FRMD3: variants seen among roughly 807,000 people sequenced by gnomAD.
The protein encoded by FRMD3 is FERM domain-containing protein 3.
In FRMD3, 33 loss-of-function variants were observed where a neutral mutation model predicts 70.2. The observed-to-expected ratio is 0.47, with a 90% CI of 0.36 to 0.63. The LOEUF (loss-of-function observed/expected upper bound fraction) is 0.63, where lower values mean the gene tolerates loss of function less well. Among genes scored for constraint, FRMD3 ranks in the 20% least tolerant of loss-of-function variants. The pLI, the probability that FRMD3 is intolerant of heterozygous loss-of-function variation, is 0.00. For synonymous variants in FRMD3, 279 were observed against 255.9 expected (o/e 1.09, Z -0.86); for missense variants, 632 against 711.4 (o/e 0.89, Z 1.27).
chr9:83,355,429 G>A (rs1824304188), intron 3 of FRMD3, among the ~76,000 whole-genome samples: 2 of 152,198 alleles, frequency 1.3e-5, no homozygotes, highest in African/African-American at 4.8e-5. Context: ...GTCTAATGTG[G>A]TGCTCAGGCT....
At chr9:83,252,626 C>T (rs1832483211) in intron 13 of FRMD3, among the ~76,000 whole-genome samples, 2 of 152,112 alleles carry the variant, frequency 1.3e-5, no homozygotes, top group Admixed American at 1.3e-4. Context: ...AGAGACCCAT[C>T]TCACGTGCAA....
chr9:83,438,917 G>T (rs150728425), intron 1 of FRMD3, among the ~76,000 whole-genome samples: 1 of 152,294 alleles, frequency 6.6e-6, no homozygotes, highest in South Asian at 2.1e-4. Context: ...AATGGCTGCC[G>T]TAGGTCTCTC....
chr9:83,312,057 T>C (rs1835382871), intron 7 of FRMD3, 82 bp from the exon 8 acceptor site: 2 of 1,042,436 alleles, frequency 1.9e-6, no homozygotes, highest in South Asian at 3.0e-5. Context: ...TATTTATTCA[T>C]CCTCACCCTA....
Position 83,334,777 on chromosome 9 carries a change from G to A in FRMD3, c.596+739C>T, listed in dbSNP as rs1587737347. On this transcript the variant is annotated intron_variant, in intron 6 of 13. Transcript: ENST00000304195. ...GTGTAACCATCACACAGGGCATAAA[G>A]GCACAGACTCTAGACCAAGACTGCC... is the stretch of plus-strand genomic sequence containing the variant. Among the ~76,000 whole-genome samples, 6 of 152,232 alleles carry A rather than the reference G, an allele frequency of 3.9e-5. No homozygotes were observed. The East Asian group carries it at 1.2e-3, about 29-fold the overall frequency.
At chr9:83,327,692 G>A (rs1027738834) in intron 6 of FRMD3, among the ~76,000 whole-genome samples, 4 of 152,104 alleles carry the variant, frequency 2.6e-5, no homozygotes, top group Non-Finnish European at 4.4e-5. Context: ...GCAGCTATGC[G>A]TTTCCACTCT....
At chr9:83,323,403 G>A (rs192406746) in intron 6 of FRMD3, among the ~76,000 whole-genome samples, 1 of 152,322 alleles carries the variant, frequency 6.6e-6, no homozygotes, top group Non-Finnish European at 1.5e-5. Flanking sequence ...GAAGCCAAAT[G>A]CTACAGTTCA....
chr9:83,485,976 C>A (rs1828680823), intron 1 of FRMD3, among the ~76,000 whole-genome samples: 1 of 151,866 alleles, frequency 6.6e-6, no homozygotes, highest in Admixed American at 6.6e-5. Context: ...TGTTGTATAT[C>A]ATACATCATA....
Position 83,537,948 on chromosome 9 carries a change from A to T in FRMD3, c.147+137T>A, listed in dbSNP as rs926717787. On this transcript the variant is annotated intron_variant, in intron 1 of 13. Transcript: ENST00000304195. This position sits in a 1 kb window ranked among gnomAD's most constrained non-coding sequence, Gnocchi z 4.1. ...AAGGCCCCCCACCCTCAGAGGCCTG[A>T]GGAATCGAAATCTGGCTTTCTAGCA... 1 of 963,742 alleles carries T rather than the reference A, an allele frequency of 1.0e-6. No homozygotes were observed. Among genetic ancestry groups the T allele is most frequent in the African/African-American group, 1.6e-5 (1 of 61,284 alleles). The allele number at this position is 963,742 out of a possible 1,614,324, so 59.7% of individuals were successfully genotyped here. A position where few individuals can be genotyped will look rare whatever the true frequency, so the allele number is the denominator to read the frequency against.
At chr9:83,340,982 G>C (rs1358295716) in intron 5 of FRMD3, among the ~76,000 whole-genome samples, 3 of 152,156 alleles carry the variant, frequency 2.0e-5, no homozygotes, top group Non-Finnish European at 2.9e-5. Flanking sequence ...ACGATGAGGG[G>C]CGACAGTGCC....
upstream of FRMD3, among the ~76,000 whole-genome samples, chr9:83,538,851 G>A (rs1425640429): frequency 6.6e-6 from 1 of 152,238 alleles, no homozygotes; most frequent in East Asian, 1.9e-4. This position sits in a 1 kb window ranked among gnomAD's most constrained non-coding sequence, Gnocchi z 4.7. Context: ...CCGCCAGGGG[G>A]ATTCCGCCTC....
chr9:83,367,052 A>G (rs11140056), intron 3 of FRMD3, among the ~76,000 whole-genome samples: 43,080 of 152,114 alleles, frequency 0.28, 6,858 homozygotes, highest in Non-Finnish European at 0.35. Context: ...AAAAAAAATT[A>G]TAAGTGAGAA....
intron 1 of FRMD3, among the ~76,000 whole-genome samples, chr9:83,510,264 AAGATGCAG>A (rs1337701259): frequency 6.6e-6 from 1 of 152,220 alleles, no homozygotes; most frequent in African/African-American, 2.4e-5. Context: ...ATGTATAGTC[AAGATGCAG>A]ATGGAAGTTA....
chr9:83,394,097 C>T (rs926355987), intron 1 of FRMD3, among the ~76,000 whole-genome samples: 8 of 151,826 alleles, frequency 5.3e-5, no homozygotes, highest in Non-Finnish European at 1.0e-4. Context: ...TTCTTTAGTC[C>T]ACAAGCCCCA....
rs113435201 is a variant in FRMD3 at position 83,283,357 on chromosome 9, C to T, written c.1195+7246G>A. Among the ~76,000 whole-genome samples the T allele has an allele frequency of 6.3e-3, 950 of 151,792 alleles. 11 individuals carry two copies. The highest frequency in any genetic ancestry group is 0.021 in the African/African-American group (883 of 41,388). Reference sequence around the variant, plus strand: ...CATCCTGGCTAACATGGTGAAACCCCGTCTCTACAAAAAATACAAAAAAAT... The same window carrying T: ...CATCCTGGCTAACATGGTGAAACCCTGTCTCTACAAAAAATACAAAAAAAT... On this transcript the variant is annotated intron_variant, in intron 13 of 13. Transcript: ENST00000304195.
intron 1 of FRMD3, among the ~76,000 whole-genome samples, chr9:83,534,784 T>C (rs1829857793): frequency 6.6e-6 from 1 of 152,120 alleles, no homozygotes; most frequent in African/African-American, 2.4e-5. Context: ...CCCAGTGACA[T>C]TTGGATTGTG....
At chr9:83,318,903 T>C (rs184502398) in intron 6 of FRMD3, among the ~76,000 whole-genome samples, 6 of 152,322 alleles carry the variant, frequency 3.9e-5, no homozygotes, top group Admixed American at 3.3e-4. Context: ...TGTTTAGTGA[T>C]GTTGAACATT....
intron 1 of FRMD3, among the ~76,000 whole-genome samples, chr9:83,433,869 A>T (rs1306161433): frequency 2.6e-5 from 4 of 152,162 alleles, no homozygotes; most frequent in Non-Finnish European, 5.9e-5. Flanking sequence ...ATACAGATGA[A>T]GCTTCACTTG....
chr9:83,558,063 T>TATTG, the FRMD3 span, among the ~76,000 whole-genome samples: 2 of 152,150 alleles, frequency 1.3e-5, no homozygotes, highest in African/African-American at 4.8e-5. Flanking sequence ...TATCAGAATG[T>TATTG]ATTGGCATTC....
intron 1 of FRMD3, among the ~76,000 whole-genome samples, chr9:83,425,495 G>T (rs1826776485): frequency 6.6e-6 from 1 of 152,166 alleles, no homozygotes; most frequent in Admixed American, 6.5e-5. Flanking sequence ...CTGGCCCGGG[G>T]AAACCTGTCC....
Sources: allele counts gnomAD v4.1 joint callset (sites outside exome capture counted in the v4.1 genomes callset), GRCh38; gene constraint gnomAD v4.1.1; non-coding constraint Gnocchi (gnomAD v3.1); transcripts MANE v1.5; gene names NCBI Gene and HGNC (gene_info 2026-07-23, HGNC 2026-07-21).